Variants in CCSER1 observed in about 807,000 individuals in gnomAD.
CCSER1 encodes the protein serine-rich coiled-coil domain-containing protein 1.
CCSER1 carries 41 observed loss-of-function variants against 82.0 expected under a neutral mutation model. That is an observed-to-expected ratio of 0.50 (90% CI 0.39 to 0.65). The LOEUF (loss-of-function observed/expected upper bound fraction) is 0.65, where lower values mean the gene tolerates loss of function less well. CCSER1 is among the 30% of genes least tolerant of loss of function. CCSER1 has a pLI of 0.00. For missense variants in CCSER1, 1,119 were observed against 1,064.2 expected, an observed-to-expected ratio of 1.05 and a Z score of -0.72; for synonymous variants, 414 against 383.9, an observed-to-expected ratio of 1.08 and a Z score of -0.92.
At chr4:90,522,026 C>T (rs1490087357) in intron 5 of CCSER1, among the ~76,000 whole-genome samples, 1 of 152,142 alleles carries the variant, frequency 6.6e-6, no homozygotes, top group Non-Finnish European at 1.5e-5. Context: ...TCTCTAACCA[C>T]TCTGCCTGGA....
At chr4:91,131,019 A>G (rs896194669) in intron 10 of CCSER1, among the ~76,000 whole-genome samples, 2 of 151,906 alleles carry the variant, frequency 1.3e-5, no homozygotes, top group South Asian at 4.1e-4. Flanking sequence ...GGATCTGTAT[A>G]TGTTTGCATG....
chr4:91,059,314 A>ATATATATACATATAGTGTATATATGTG (rs1743741502), intron 9 of CCSER1, among the ~76,000 whole-genome samples: 1 of 143,970 alleles, frequency 6.9e-6, no homozygotes, highest in Admixed American at 6.9e-5. Context: ...ATACGTGTAT[A>ATATATATACATATAGTGTATATATGTG]TATATATACA....
intron 10 of CCSER1, among the ~76,000 whole-genome samples, chr4:91,355,665 T>G (rs2149305323): frequency 6.6e-6 from 1 of 152,250 alleles, no homozygotes; most frequent in Non-Finnish European, 1.5e-5. Flanking sequence ...AGTCCCACAA[T>G]GAGTTTTCTG....
chr4:91,482,439 A>AAACAAC (rs1757986870), intron 10 of CCSER1, among the ~76,000 whole-genome samples: 2 of 147,384 alleles, frequency 1.4e-5, no homozygotes, highest in Non-Finnish European at 3.0e-5. Flanking sequence ...AAAAGTCAGG[A>AAACAAC]AACAACAGGT....
At chr4:90,866,136 T>G (rs1224776051) in intron 8 of CCSER1, among the ~76,000 whole-genome samples, 3 of 151,882 alleles carry the variant, frequency 2.0e-5, no homozygotes, top group Non-Finnish European at 4.4e-5. Flanking sequence ...CAATTCAACA[T>G]GAGATTTGAG....
chr4:90,861,905 C>CATATATATATATAT (rs1433929339), intron 8 of CCSER1, among the ~76,000 whole-genome samples: 6 of 139,406 alleles, frequency 4.3e-5, no homozygotes, highest in African/African-American at 1.6e-4. Flanking sequence ...TATGATGACT[C>CATATATATATATAT]ATATATATAT....
chr4:90,624,672 G>A (rs889401373), intron 5 of CCSER1, among the ~76,000 whole-genome samples: 2 of 152,118 alleles, frequency 1.3e-5, no homozygotes, highest in African/African-American at 2.4e-5. Flanking sequence ...CTACTCATTC[G>A]AAAATCCACT....
chr4:90,822,781 C>T (rs1197453785), intron 8 of CCSER1, among the ~76,000 whole-genome samples: 1 of 147,912 alleles, frequency 6.8e-6, no homozygotes, highest in East Asian at 2.0e-4. Context: ...TCAAATGGGT[C>T]ACCGGAAAAA....
At chr4:90,765,503 A>C (rs1032026250) in intron 7 of CCSER1, among the ~76,000 whole-genome samples, 5 of 152,052 alleles carry the variant, frequency 3.3e-5, no homozygotes, top group African/African-American at 1.2e-4. Flanking sequence ...TAACATAAAA[A>C]CCTATTTAGG....
At chr4:90,239,335 T>C (rs1054991004) in intron 1 of CCSER1, among the ~76,000 whole-genome samples, 1 of 152,230 alleles carries the variant, frequency 6.6e-6, no homozygotes, top group Admixed American at 6.5e-5. Flanking sequence ...AGACATATAC[T>C]GCACTTTATG....
At chr4:90,700,148 C>A (rs1017589408) in intron 6 of CCSER1, among the ~76,000 whole-genome samples, 1 of 152,060 alleles carries the variant, frequency 6.6e-6, no homozygotes, top group African/African-American at 2.4e-5. Flanking sequence ...TCCCCTCACC[C>A]CACAACAGGC....
At position 90,877,009 on chromosome 4, in the gene CCSER1, A is replaced by T. The variant is rs920525315; in HGVS notation, c.2095-46361A>T. ...TAATTAATGTCTGTTGAGTTAAATT[A>T]CATCATCATTCTAATCCAACACTTT... is the stretch of plus-strand genomic sequence containing the variant. On this transcript the variant is annotated intron_variant, in intron 8 of 10. Coordinates refer to ENST00000509176, the MANE Select transcript of CCSER1 (RefSeq NM_001145065.2). 2.6e-5 allele frequency among the ~76,000 whole-genome samples: 4 copies of T among 152,108 alleles called. No homozygotes were observed. In the East Asian group the frequency reaches 5.8e-4, roughly 22 times the overall value.
At chr4:90,337,515 C>T (rs1254632645) in intron 3 of CCSER1, among the ~76,000 whole-genome samples, 2 of 152,070 alleles carry the variant, frequency 1.3e-5, no homozygotes, top group Non-Finnish European at 2.9e-5. Context: ...TCACAAAAAT[C>T]CCTTAAAGTT....
At chr4:90,247,104 A>G (rs544668821) in intron 1 of CCSER1, among the ~76,000 whole-genome samples, 52 of 152,300 alleles carry the variant, frequency 3.4e-4, no homozygotes, top group African/African-American at 1.3e-3. Context: ...CACATGAGGA[A>G]CAAAGCAGGA....
chr4:91,319,831 T>A, intron 10 of CCSER1: 1 of 400,108 alleles, frequency 2.5e-6, no homozygotes, highest in South Asian at 1.8e-5. Flanking sequence ...AGAAATACAG[T>A]AGTTCCCCCT....
chr4:90,955,021 T>C (rs1733290968), intron 9 of CCSER1, among the ~76,000 whole-genome samples: 1 of 152,216 alleles, frequency 6.6e-6, no homozygotes, highest in Non-Finnish European at 1.5e-5. Flanking sequence ...AAAATAAGAT[T>C]GTAAATATTT....
At chr4:90,665,880 T>C (rs1269172791) in intron 6 of CCSER1, among the ~76,000 whole-genome samples, 2 of 152,180 alleles carry the variant, frequency 1.3e-5, no homozygotes, top group African/African-American at 4.8e-5. Context: ...GTTTGGGCTC[T>C]TATGTGGACC....
intron 10 of CCSER1, among the ~76,000 whole-genome samples, chr4:91,295,864 A>G (rs1744117672): frequency 6.6e-6 from 1 of 151,934 alleles, no homozygotes; most frequent in African/African-American, 2.4e-5. Context: ...CTGTTTTAAA[A>G]GCCATTTGAG....
intron 7 of CCSER1, among the ~76,000 whole-genome samples, chr4:90,772,797 T>C (rs1752372276): frequency 6.6e-6 from 1 of 152,230 alleles, no homozygotes; most frequent in Non-Finnish European, 1.5e-5. Context: ...TATGTGTCTT[T>C]TCTTGTGACA....
Sources: gnomAD v4.1 joint callset for allele counts (sites outside exome capture counted in the v4.1 genomes callset) on GRCh38, gnomAD v4.1.1 for gene constraint, MANE v1.5 for transcripts, NCBI Gene and HGNC (gene_info 2026-07-23, HGNC 2026-07-21) for gene names.